Variants in EPG5 observed in about 807,000 individuals in gnomAD.
EPG5 encodes ectopic P-granules 5 autophagy tethering factor.
Under a neutral mutation model 302.7 loss-of-function variants are expected in EPG5, and 159 were observed. That is an observed-to-expected ratio of 0.53 (90% CI 0.46 to 0.60). The LOEUF (loss-of-function observed/expected upper bound fraction) is 0.60. Among genes scored for constraint, EPG5 ranks in the 20% least tolerant of loss-of-function variants. The probability of loss-of-function intolerance (pLI) is 0.00; values close to 1 mark genes in which losing one functional copy is unlikely to be tolerated. For synonymous variants in EPG5, 1,158 were observed against 1,136.8 expected (o/e 1.02, Z -0.37); for missense variants, 2,896 against 3,092.4 (o/e 0.94, Z 1.51).
intron 9 of EPG5, 67 bp from the exon 10 acceptor site, chr18:45,939,822 T>C: frequency 7.0e-7 from 1 of 1,425,494 alleles, no homozygotes; most frequent in South Asian, 1.3e-5. Flanking sequence ...ATATTACATT[T>C]CCAACATTCA....
Position 45,857,984 on chromosome 18 carries a change from G to A in EPG5, c.7311C>T (p.Ser2437=), listed in dbSNP as rs377487870. Residue 2437 remains serine (S), a synonymous_variant, in exon 42 of 44, where the codon TCC becomes TCT. Coordinates refer to ENST00000282041, the MANE Select transcript of EPG5 (RefSeq NM_020964.3). ...LSLIQTEQND[S]VLTESVIRIL... is the part of the protein sequence containing the mutation. ...TTCGAATGACAGATTCTGTCAGGAC[G>A]GAGTCATTCTGCTCTGTCTGAATGA... 1.2e-4 allele frequency: 200 copies of A among 1,613,708 alleles called. No homozygotes were observed. In the Middle Eastern group the frequency reaches 1.7e-3, roughly 14 times the overall value.
intron 32 of EPG5, among the ~76,000 whole-genome samples, chr18:45,879,490 C>T (rs2049044927): frequency 6.6e-6 from 1 of 152,200 alleles, no homozygotes; most frequent in Non-Finnish European, 1.5e-5. Flanking sequence ...ACCTCAGCCT[C>T]CTGAGTAGCT....
At position 45,942,155 on chromosome 18, in the gene EPG5, G is replaced by A. The variant is rs2145898621; in HGVS notation, c.1943+1006C>T. On this transcript the variant is annotated intron_variant, in intron 9 of 43. Transcript: ENST00000282041. ...TGGGAGAATGGCTTTAACCTGGGAGGCAGAGGTTGCAGTGAGCCGAGATCG... is the reference window on the plus strand; with the variant it reads ...TGGGAGAATGGCTTTAACCTGGGAGACAGAGGTTGCAGTGAGCCGAGATCG... 2.0e-5 allele frequency among the ~76,000 whole-genome samples: 3 copies of A among 152,156 alleles called. 1 individual carries two copies. The South Asian group carries it at 6.2e-4, about 32-fold the overall frequency.
intron 20 of EPG5, among the ~76,000 whole-genome samples, chr18:45,914,323 G>A (rs1219921091): frequency 6.6e-6 from 1 of 152,238 alleles, no homozygotes; most frequent in African/African-American, 2.4e-5. Context: ...GACAAAAAGA[G>A]GAAAAGCCCG....
Position 45,860,163 on chromosome 18 carries a change from G to A in EPG5, c.6950C>T (p.Ala2317Val). The change falls in exon 40 of 44, where the codon GCG becomes GTG. Residue 2317 changes from alanine (A) to valine (V), a missense_variant. Ala to Val is a moderately conservative substitution (Grantham distance 64, BLOSUM62 0). Coordinates refer to ENST00000282041, the MANE Select transcript of EPG5 (RefSeq NM_020964.3). The part of the protein sequence containing the change: ...PLLTAACQSL[A>V]SVRHMAETTE... ...AGTCTCAGCCATGTGGCGGACGGAC[G>A]CCAGGCTCTGGCAGGCTGCTGTTAA... is the stretch of plus-strand genomic sequence containing the variant. 14 of 1,614,180 alleles carry A rather than the reference G, an allele frequency of 8.7e-6. No individual in the cohort carries two copies. The highest frequency in any genetic ancestry group is 2.7e-5 in the African/African-American group (2 of 75,058).
rs1401633377 is a variant in EPG5, at chr18:45,903,994, C to T, written c.4453G>A (p.Asp1485Asn). The T allele has an allele frequency of 3.1e-6, 5 of 1,610,940 alleles. No homozygotes were observed. The highest frequency in any genetic ancestry group is 4.2e-6 in the Non-Finnish European group (5 of 1,179,448). ...CCACCCAGCAAAGGATCAGTGAAGT[C>T]CAGCTGCACGGACAAACTGCAGGGT... ...STPCSLSVQL[D>N]FTDPLLAKER... Residue 1485 changes from aspartate to asparagine, a missense_variant, in exon 25 of 44, where the codon GAC (aspartate) becomes AAC (asparagine). Physicochemically the swap from Asp to Asn is conservative, Grantham distance 23 (BLOSUM62 1). Transcript: ENST00000282041.
the EPG5 span, among the ~76,000 whole-genome samples, chr18:45,813,850 G>A: frequency 1.6e-4 from 25 of 151,652 alleles, no homozygotes; most frequent in African/African-American, 4.4e-4. Context: ...CCAACATGGC[G>A]CACGTATACA....
chr18:45,861,708 A>T (rs2048639544), intron 39 of EPG5, among the ~76,000 whole-genome samples: 1 of 152,194 alleles, frequency 6.6e-6, no homozygotes, highest in Non-Finnish European at 1.5e-5. Context: ...TCTACATGAA[A>T]CAGGTATGAC....
intron 13 of EPG5, 152 bp from the exon 14 acceptor site, chr18:45,926,054 C>T (rs1042238402): frequency 2.9e-5 from 13 of 443,950 alleles, no homozygotes; most frequent in Non-Finnish European, 4.6e-5. Flanking sequence ...ATGGAAATCA[C>T]GGACAACCAA....
intron 24 of EPG5, 84 bp from the exon 25 acceptor site, chr18:45,904,201 C>T (rs2049694245): frequency 6.7e-7 from 1 of 1,485,204 alleles, no homozygotes; most frequent in Admixed American, 2.3e-5. Context: ...ATAAAGTGAA[C>T]CAGTAAGTTT....
chr18:45,870,062 T>A (rs1457348397), intron 36 of EPG5, among the ~76,000 whole-genome samples: 2 of 152,240 alleles, frequency 1.3e-5, no homozygotes, highest in Non-Finnish European at 2.9e-5. Flanking sequence ...TCTCTTTTTT[T>A]AAGTCATTTC....
chr18:45,841,544 T>G, the EPG5 span, among the ~76,000 whole-genome samples: 35 of 152,156 alleles, frequency 2.3e-4, 1 homozygote, highest in Admixed American at 2.2e-3. Flanking sequence ...TGAGGCTGGC[T>G]TGGCTGTTTG....
At chr18:45,919,134 T>C (rs2050094694) in intron 16 of EPG5, among the ~76,000 whole-genome samples, 1 of 152,214 alleles carries the variant, frequency 6.6e-6, no homozygotes, top group Admixed American at 6.5e-5. Context: ...TTCTGGGTGA[T>C]TTTCTGACTT....
Position 45,880,166 on chromosome 18 carries a change from C to A in EPG5, c.5576G>T (p.Gly1859Val), listed in dbSNP as rs1450706583. The change falls in exon 32 of 44, where the codon GGC becomes GTC. Residue 1859 changes from glycine (G) to valine (V), a missense_variant. Around this residue, in one of 5 missense-constraint regions of EPG5, gnomAD observed 790 missense variants for 798.0 expected, o/e 0.99. Coordinates refer to ENST00000282041, the MANE Select transcript of EPG5 (RefSeq NM_020964.3). ...ECWKATLRAL[G>V]CCAPSCQQGA... ...CTGCTGGCAGCTGGGGGCGCAGCAG[C>A]CCAGGGCTCTCAGAGTGGCCTTCCA... is the stretch of plus-strand genomic sequence containing the variant. The A allele has an allele frequency of 6.2e-7, 1 of 1,611,542 alleles. No homozygotes were observed. Among genetic ancestry groups the A allele is most frequent in the Admixed American group, 1.7e-5 (1 of 59,888 alleles).
At position 45,949,580 on chromosome 18, in the gene EPG5, T is replaced by A; in HGVS notation, c.1401A>T (p.Leu467=). The A allele has an allele frequency of 6.2e-7, 1 of 1,607,924 alleles. No homozygotes were observed. Among genetic ancestry groups the A allele is most frequent in the Non-Finnish European group, 8.5e-7 (1 of 1,174,684 alleles). Residue 467 remains leucine (L), a synonymous_variant, in exon 5 of 44, where the codon CTA becomes CTT. Coordinates refer to ENST00000282041, the MANE Select transcript of EPG5 (RefSeq NM_020964.3). ...GATCTCCAGGACAGCCAACTCTTTG[T>A]AGCACGGATACCTGAACAATAAAGG... ...LLWLQKLVSV[L]QRVGCPGDHL...
chr18:45,806,179 G>A, the EPG5 span, among the ~76,000 whole-genome samples: 1 of 152,200 alleles, frequency 6.6e-6, no homozygotes, highest in African/African-American at 2.4e-5. Context: ...CCCATTGCCA[G>A]GGATTAATTT....
chr18:45,956,541 C>T (rs2051036980), intron 1 of EPG5, among the ~76,000 whole-genome samples: 1 of 151,896 alleles, frequency 6.6e-6, no homozygotes, highest in Admixed American at 6.6e-5. Flanking sequence ...ACTGCAACCT[C>T]CGCCTCCTGG....
rs1401361594 is a variant in EPG5, at chr18:45,849,807, A to C, written c.*2660T>G. ...GTCACGCCTTGGAGCTGAGGTCCCG[A>C]GTGTGCAGGAAGGAGCTTTGGAAAC... On this transcript the variant is annotated 3_prime_UTR_variant, in exon 44 of 44. Transcript: ENST00000282041. 6.6e-6 allele frequency: 1 copy of C among 152,244 alleles called. No individual in the cohort carries two copies. The highest frequency in any genetic ancestry group is 1.5e-5 in the Non-Finnish European group (1 of 68,136). The allele number at this position is 152,244 out of a possible 1,614,324, so 9.4% of individuals were successfully genotyped here.
chr18:45,915,018 C>T (rs959140996), intron 20 of EPG5, among the ~76,000 whole-genome samples: 13 of 151,316 alleles, frequency 8.6e-5, no homozygotes, highest in Non-Finnish European at 1.9e-4. Flanking sequence ...GTGGCTCACA[C>T]CTGTAATCCC....
Sources: allele counts gnomAD v4.1 joint callset (sites outside exome capture counted in the v4.1 genomes callset), GRCh38; gene constraint gnomAD v4.1.1; regional missense constraint gnomAD v4.1.1; transcripts MANE v1.5; gene names NCBI Gene and HGNC (gene_info 2026-07-23, HGNC 2026-07-21).